PTP4A2: variants seen among roughly 807,000 people sequenced by gnomAD.
PTP4A2 encodes the protein protein tyrosine phosphatase type IVA 2.
In PTP4A2, 2 loss-of-function variants were observed where a neutral mutation model predicts 22.9. The ratio of observed to expected loss-of-function variants is 0.09; its 90% CI spans 0.04 to 0.27. PTP4A2 has a LOEUF of 0.27. Among genes scored for constraint, PTP4A2 ranks in the 10% least tolerant of loss-of-function variants. The pLI, the probability that PTP4A2 is intolerant of heterozygous loss-of-function variation, is 1.00. For synonymous variants in PTP4A2, 68 were observed against 69.1 expected (o/e 0.98, Z 0.08); for missense variants, 103 against 205.1 (o/e 0.50, Z 3.04).
chr1:31,923,329 C>CTTT (rs894382854), intron 1 of PTP4A2, among the ~76,000 whole-genome samples: 125 of 113,952 alleles, frequency 1.1e-3, no homozygotes, highest in Non-Finnish European at 1.5e-3. Context: ...GCCTCAACCT[C>CTTT]TTTTTTTTTT....
intron 1 of PTP4A2, among the ~76,000 whole-genome samples, chr1:31,934,442 T>C (rs917766080): frequency 3.3e-5 from 5 of 152,214 alleles, no homozygotes; most frequent in African/African-American, 7.2e-5. Flanking sequence ...TAAAAATGTA[T>C]GCACCTGCTC....
In PTP4A2 at chr1:31,917,967, A is replaced by G. The variant is rs1475389576; in HGVS notation, c.96+1003T>C. On this transcript the variant is annotated intron_variant, in intron 2 of 5. Coordinates refer to ENST00000647444, the MANE Select transcript of PTP4A2 (RefSeq NM_080391.4). The stretch of plus-strand genomic sequence containing the variant: ...CGTCTCAAAAAAAAAAAAAAAAAAA[A>G]GGGCTGGGCACGGTGGCTCATGCCT... Among the ~76,000 whole-genome samples, 12 of 112,360 alleles carry G rather than the reference A, an allele frequency of 1.1e-4. No individual in the cohort carries two copies. In the South Asian group the frequency reaches 2.2e-3, roughly 21 times the overall value. 73.7% of individuals were successfully genotyped at this position (112,360 alleles called of 152,430 possible).
intron 5 of PTP4A2, 45 bp downstream of exon 5, chr1:31,909,993 T>C (rs768518685): frequency 6.7e-7 from 1 of 1,502,652 alleles, no homozygotes; most frequent in Non-Finnish European, 9.2e-7. Context: ...TCCTCATGCA[T>C]GATCTTGCTT....
At chr1:31,920,255 C>G (rs1429363691) in intron 1 of PTP4A2, among the ~76,000 whole-genome samples, 3 of 146,788 alleles carry the variant, frequency 2.0e-5, no homozygotes, top group Non-Finnish European at 4.5e-5. Context: ...ACCAGCCTGG[C>G]CAACATGGAG....
At chr1:31,935,702 A>G (rs1483027677) in intron 1 of PTP4A2, 1 of 152,220 alleles carries the variant, frequency 6.6e-6, no homozygotes, top group African/African-American at 2.4e-5. Flanking sequence ...ATGGATGCAA[A>G]TGAAGATACC....
At chr1:31,909,402 G>A (rs187161647) in intron 5 of PTP4A2, among the ~76,000 whole-genome samples, 5 of 152,234 alleles carry the variant, frequency 3.3e-5, no homozygotes, top group South Asian at 2.1e-4. Flanking sequence ...GAGGCCAGGC[G>A]TGGTGGCTCA....
intron 1 of PTP4A2, among the ~76,000 whole-genome samples, chr1:31,932,382 T>G (rs1256496997): frequency 6.6e-6 from 1 of 152,206 alleles, no homozygotes; most frequent in Non-Finnish European, 1.5e-5. Context: ...CAAAAAAGCC[T>G]AATCTTAAAA....
chr1:31,935,777 ATAC>A (rs1652909000), intron 1 of PTP4A2: 1 of 152,136 alleles, frequency 6.6e-6, no homozygotes, highest in African/African-American at 2.4e-5. Context: ...GAGGAAATTA[ATAC>A]TAATCAATTC....
Position 31,930,105 on chromosome 1 carries a change from A to T in PTP4A2, c.-594+7882T>A, listed in dbSNP as rs557888424. On this transcript the variant is annotated intron_variant, in intron 1 of 5. Coordinates refer to ENST00000647444, the MANE Select transcript of PTP4A2 (RefSeq NM_080391.4). ...TGTAATCCCAGCACTTTGGGAGGCC[A>T]AGGCGGGCGGATCACGAGGTCAGCA... Among the ~76,000 whole-genome samples, 655 of 152,178 alleles carry T rather than the reference A, an allele frequency of 4.3e-3. 3 individuals carry two copies. The highest frequency in any genetic ancestry group is 0.015 in the African/African-American group (625 of 41,506).
chr1:31,932,550 C>G (rs1652767198), intron 1 of PTP4A2: 1 of 152,168 alleles, frequency 6.6e-6, no homozygotes, highest in African/African-American at 2.4e-5. Flanking sequence ...ACATTCAAGT[C>G]ACATAAAAAA....
intron 1 of PTP4A2, chr1:31,933,706 G>C (rs1473173493): frequency 1.3e-5 from 2 of 151,552 alleles, no homozygotes; most frequent in East Asian, 3.9e-4. Context: ...CTGGGCAACA[G>C]AGTAAGACTC....
intron 1 of PTP4A2, among the ~76,000 whole-genome samples, chr1:31,934,736 T>C (rs1222788108): frequency 2.0e-5 from 3 of 152,226 alleles, no homozygotes; most frequent in African/African-American, 4.8e-5. Flanking sequence ...TCTCATACTG[T>C]TTTTTAAAGC....
chr1:31,920,616 C>A (rs1652098146), intron 1 of PTP4A2, among the ~76,000 whole-genome samples: 1 of 148,504 alleles, frequency 6.7e-6, no homozygotes. Flanking sequence ...CAGCTCACTG[C>A]AACCTCCGCC....
chr1:31,928,111 T>C (rs1013835524), intron 1 of PTP4A2, among the ~76,000 whole-genome samples: 2 of 150,024 alleles, frequency 1.3e-5, no homozygotes, highest in East Asian at 1.9e-4. Context: ...TACTGTTCCA[T>C]TTATCAAACT....
In PTP4A2 at chr1:31,907,751, AT is replaced by A. The variant is rs551985395; in HGVS notation, c.*1100del. 107 of 152,174 alleles carry A rather than the reference AT, an allele frequency of 7.0e-4. No individual in the cohort carries two copies. Among genetic ancestry groups the A allele is most frequent in the African/African-American group, 2.4e-3 (101 of 41,528 alleles). 9.4% of individuals were successfully genotyped at this position (152,174 alleles called of 1,614,324 possible). A position where few individuals can be genotyped will look rare whatever the true frequency, so the allele number is the denominator to read the frequency against. Reference sequence around the variant, plus strand: ...TCAGAGTACAAGTCCTAAAATAAAAATTTTAAGCTACCAGCATTCTCTGATA... The same window carrying A: ...TCAGAGTACAAGTCCTAAAATAAAAATTTAAGCTACCAGCATTCTCTGATA... On this transcript the variant is annotated 3_prime_UTR_variant, in exon 6 of 6. Transcript: ENST00000647444.
At chr1:31,913,827 T>C (rs1389468841) in intron 3 of PTP4A2, 2 of 456,194 alleles carry the variant, frequency 4.4e-6, no homozygotes, top group Non-Finnish European at 8.8e-6. Flanking sequence ...AATCCAGTCA[T>C]TTTCTCACTC....
intron 1 of PTP4A2, among the ~76,000 whole-genome samples, chr1:31,931,897 C>T (rs944315395): frequency 1.6e-4 from 25 of 152,130 alleles, no homozygotes; most frequent in Non-Finnish European, 2.6e-4. Flanking sequence ...AGGCTTTTCA[C>T]CAATAATGGA....
chr1:31,917,656 A>C (rs1176259387), intron 2 of PTP4A2, among the ~76,000 whole-genome samples: 2 of 152,098 alleles, frequency 1.3e-5, no homozygotes, highest in Non-Finnish European at 1.5e-5. Flanking sequence ...AATCATTTAA[A>C]CTCAACAACC....
chr1:31,919,036 G>A lies in PTP4A2; in HGVS notation c.30C>T (p.Ser10=), dbSNP rs745326625. The A allele has an allele frequency of 1.9e-6, 3 of 1,605,598 alleles. No homozygotes were observed. The highest frequency in any genetic ancestry group is 2.2e-5 in the East Asian group (1 of 44,664). Residue 10 remains serine (S), a synonymous_variant, in exon 2 of 6, where the codon TCC becomes TCT. Transcript: ENST00000647444. MNRPAPVEI[S]YENMRFLITH... Reference sequence around the variant, plus strand: ...TTATCAGAAAACGCATGTTCTCATAGGAGATCTCCACAGGGGCTGGACGGT... The same window carrying A: ...TTATCAGAAAACGCATGTTCTCATAAGAGATCTCCACAGGGGCTGGACGGT...
Sources: gnomAD v4.1 joint callset for allele counts (sites outside exome capture counted in the v4.1 genomes callset) on GRCh38, gnomAD v4.1.1 for gene constraint, MANE v1.5 for transcripts, NCBI Gene and HGNC (gene_info 2026-07-23, HGNC 2026-07-21) for gene names.